Variants in ACACA observed in about 807,000 individuals in gnomAD.
ACACA encodes acetyl-CoA carboxylase alpha.
In ACACA, 103 loss-of-function variants were observed where a neutral mutation model predicts 296.1. That is an observed-to-expected ratio of 0.35 (90% CI 0.30 to 0.41). The LOEUF (loss-of-function observed/expected upper bound fraction) is 0.41, where lower values mean the gene tolerates loss of function less well. Ranked by LOEUF, ACACA falls within the 10% of genes least tolerant of loss-of-function variation. ACACA has a pLI of 1.00. For missense variants in ACACA, 1,554 were observed against 2,989.7 expected (o/e 0.52, Z 11.20); for synonymous variants, 953 against 1,038.6 (o/e 0.92, Z 1.58).
At chr17:37,208,657 T>A (rs1004955090) in intron 30 of ACACA, among the ~76,000 whole-genome samples, 2 of 152,226 alleles carry the variant, frequency 1.3e-5, no homozygotes, top group African/African-American at 4.8e-5. Flanking sequence ...AGAACTGAAC[T>A]GATTTGCTCA....
chr17:37,219,864 C>CA lies in ACACA; in HGVS notation c.3683+1859dup, dbSNP rs982072679. On this transcript the variant is annotated intron_variant, in intron 29 of 55. Coordinates refer to ENST00000616317, the MANE Select transcript of ACACA (RefSeq NM_198834.3). ...TTTGATCCTAAACAGAACTTTAGAT[C>CA]AAAAAAAAAATTAAAGAAATTTTAA... is the stretch of plus-strand genomic sequence containing the variant. Among the ~76,000 whole-genome samples, 442 of 146,714 alleles carry CA rather than the reference C, an allele frequency of 3.0e-3. 2 individuals are homozygous for CA. The highest frequency in any genetic ancestry group is 9.7e-3 in the African/African-American group (389 of 40,090).
intron 2 of ACACA, among the ~76,000 whole-genome samples, chr17:37,338,377 C>A (rs1026146414): frequency 3.9e-5 from 6 of 152,114 alleles, no homozygotes; most frequent in African/African-American, 1.4e-4. Flanking sequence ...AAAATACAGG[C>A]CAGGCACAGT....
At chr17:37,179,879 AT>A (rs1277812387) in intron 40 of ACACA, among the ~76,000 whole-genome samples, 8 of 152,172 alleles carry the variant, frequency 5.3e-5, no homozygotes. Flanking sequence ...TCTTTCTAAT[AT>A]TTTTCATAGC....
chr17:37,169,119 T>C (rs1447844225), intron 41 of ACACA, among the ~76,000 whole-genome samples: 1 of 152,196 alleles, frequency 6.6e-6, no homozygotes, highest in Non-Finnish European at 1.5e-5. Flanking sequence ...CAGTCCTGGG[T>C]AGGAACACAT....
At position 37,117,236 on chromosome 17, in the gene ACACA, A is replaced by G. The variant is rs528479078; in HGVS notation, c.6275-3971T>C. Among the ~76,000 whole-genome samples the G allele has an allele frequency of 5.9e-5, 9 of 152,372 alleles. No individual in the cohort carries two copies. In the East Asian group the frequency reaches 1.7e-3, roughly 29 times the overall value. ...AGATTATCTGTTAGAAACTGAAGGTAAACATTAGCCATACACAAGCTACAT... is the reference window on the plus strand; with the variant it reads ...AGATTATCTGTTAGAAACTGAAGGTGAACATTAGCCATACACAAGCTACAT... On this transcript the variant is annotated intron_variant, in intron 50 of 55. Transcript: ENST00000616317.
chr17:37,380,479 T>A (rs1401201434), intron 1 of ACACA, among the ~76,000 whole-genome samples: 1 of 152,160 alleles, frequency 6.6e-6, no homozygotes. Flanking sequence ...CAAATCTACG[T>A]GCTCTCTGAG....
rs545305544 is a variant in ACACA, at chr17:37,155,605, G to T, written c.5447+78C>A. ...TCAATGTTCTTCAAGGTTATGAACAGCTGTACAATATGGAAAAAAATACCA... is the reference window on the plus strand; with the variant it reads ...TCAATGTTCTTCAAGGTTATGAACATCTGTACAATATGGAAAAAAATACCA... On this transcript the variant is annotated intron_variant, in intron 43 of 55. Transcript: ENST00000616317. 6 of 959,894 alleles carry T rather than the reference G, an allele frequency of 6.3e-6. No homozygotes were observed. In the African/African-American group the frequency reaches 9.6e-5, roughly 15 times the overall value. 59.5% of individuals were successfully genotyped at this position (959,894 alleles called of 1,614,324 possible). A position where few individuals can be genotyped will look rare whatever the true frequency, so the allele number is the denominator to read the frequency against.
intron 10 of ACACA, 86 bp downstream of exon 10, chr17:37,270,665 T>C: frequency 9.8e-7 from 1 of 1,024,070 alleles, no homozygotes; most frequent in Non-Finnish European, 1.5e-6. Flanking sequence ...AAATATTTTC[T>C]GGGCATCCAA....
intron 52 of ACACA, among the ~76,000 whole-genome samples, chr17:37,109,199 C>A (rs995163592): frequency 2.6e-5 from 4 of 152,212 alleles, no homozygotes; most frequent in Admixed American, 6.5e-5. Context: ...GCAGAGACAG[C>A]TGCCCGTATA....
At chr17:37,253,396 AAAAAAT>A (rs1261814041) in intron 14 of ACACA, among the ~76,000 whole-genome samples, 4 of 152,190 alleles carry the variant, frequency 2.6e-5, no homozygotes, top group African/African-American at 7.2e-5. Flanking sequence ...TGTCCCCCCA[AAAAAAT>A]AAAAATAAAA....
intron 3 of ACACA, among the ~76,000 whole-genome samples, chr17:37,300,969 C>T (rs2083589558): frequency 6.6e-6 from 1 of 152,164 alleles, no homozygotes; most frequent in Non-Finnish European, 1.5e-5. Context: ...CAGGAAAGTT[C>T]AGTAGCCACA....
chr17:37,148,089 T>C (rs186073183), intron 45 of ACACA, among the ~76,000 whole-genome samples: 2 of 152,004 alleles, frequency 1.3e-5, no homozygotes, highest in Admixed American at 6.5e-5. Flanking sequence ...CATGGAAATA[T>C]AGGTTTTTAA....
intron 3 of ACACA, among the ~76,000 whole-genome samples, chr17:37,316,302 T>TAC (rs10533479): frequency 0.049 from 6,954 of 142,556 alleles, 185 homozygotes; most frequent in African/African-American, 0.055. Context: ...TACCCTTACA[T>TAC]ACACACACAC....
chr17:37,208,664 C>T (rs141219861), intron 30 of ACACA, among the ~76,000 whole-genome samples: 87 of 152,260 alleles, frequency 5.7e-4, no homozygotes, highest in African/African-American at 2.0e-3. Context: ...AACTGATTTG[C>T]TCAATCTAAA....
chr17:37,402,773 C>T (rs1039359589), intron 1 of ACACA, among the ~76,000 whole-genome samples: 8 of 152,052 alleles, frequency 5.3e-5, no homozygotes, highest in Admixed American at 4.6e-4. Context: ...CCCAGGTTCA[C>T]GCCATTCTTC....
intron 45 of ACACA, among the ~76,000 whole-genome samples, chr17:37,148,771 G>A (rs1304658401): frequency 6.6e-6 from 1 of 151,956 alleles, no homozygotes; most frequent in Non-Finnish European, 1.5e-5. Context: ...GTCTTACTAT[G>A]TTGTCAGGCT....
chr17:37,402,270 G>C lies in ACACA; in HGVS notation c.38+3992C>G, dbSNP rs752139696. 3.9e-5 allele frequency among the ~76,000 whole-genome samples: 6 copies of C among 152,190 alleles called. No individual in the cohort carries two copies. The South Asian group carries it at 8.3e-4, about 21-fold the overall frequency. Reference sequence around the variant, plus strand: ...AGAGGGTGACTTAACTCAGCCATTGGGGGGTCAGGAGAAGTGTTCCTAAGG... The same window carrying C: ...AGAGGGTGACTTAACTCAGCCATTGCGGGGTCAGGAGAAGTGTTCCTAAGG... On this transcript the variant is annotated intron_variant, in intron 1 of 55. Coordinates refer to ENST00000616317, the MANE Select transcript of ACACA (RefSeq NM_198834.3).
Position 37,381,697 on chromosome 17 carries a change from A to C in ACACA, c.38+24565T>G, listed in dbSNP as rs4470189. ...GGCTGGAGTGCAGTGGTGCGATCTCAGCTCACTGCAAGCTCCGCCTCTCGG... is the reference window on the plus strand; with the variant it reads ...GGCTGGAGTGCAGTGGTGCGATCTCCGCTCACTGCAAGCTCCGCCTCTCGG... On this transcript the variant is annotated intron_variant, in intron 1 of 55. Transcript: ENST00000616317. Among the ~76,000 whole-genome samples the C allele has an allele frequency of 7.0e-3, 967 of 138,758 alleles. 13 individuals carry two copies. The highest frequency in any genetic ancestry group is 0.025 in the African/African-American group (920 of 36,628). The allele number at this position is 138,758 out of a possible 152,430, so 91.0% of individuals were successfully genotyped here. A position where few individuals can be genotyped will look rare whatever the true frequency, so the allele number is the denominator to read the frequency against.
chr17:37,164,368 T>C (rs1382055671), intron 41 of ACACA, among the ~76,000 whole-genome samples: 2 of 152,208 alleles, frequency 1.3e-5, no homozygotes, highest in African/African-American at 4.8e-5. Context: ...ATCAGGCTGG[T>C]TGAAGCATTC....
Sources: allele counts gnomAD v4.1 joint callset (sites outside exome capture counted in the v4.1 genomes callset), GRCh38; gene constraint gnomAD v4.1.1; transcripts MANE v1.5; gene names NCBI Gene and HGNC (gene_info 2026-07-23, HGNC 2026-07-21).